Variants in TASP1 observed in about 807,000 individuals in gnomAD.
The protein encoded by TASP1 is threonine aspartase 1.
A neutral mutation model predicts 56.6 loss-of-function variants in TASP1; 16 were observed. The ratio of observed to expected loss-of-function variants is 0.28; its 90% confidence interval spans 0.19 to 0.43. The LOEUF (loss-of-function observed/expected upper bound fraction) is 0.43, where lower values mean the gene tolerates loss of function less well. TASP1 is among the 20% of genes least tolerant of loss of function. TASP1 has a pLI of 1.00. For missense variants in TASP1, 393 were observed against 511.6 expected (o/e 0.77, Z 2.24); for synonymous variants, 179 against 184.2 (o/e 0.97, Z 0.23).
At chr20:13,359,548 A>T in the TASP1 span, among the ~76,000 whole-genome samples, 1 of 149,578 alleles carries the variant, frequency 6.7e-6, no homozygotes. Context: ...CGGAGGCTAC[A>T]CACTCCACAT....
intron 10 of TASP1, among the ~76,000 whole-genome samples, chr20:13,525,874 T>C (rs2044958867): frequency 6.6e-6 from 1 of 152,130 alleles, no homozygotes; most frequent in Non-Finnish European, 1.5e-5. Context: ...GTTAGTCTTT[T>C]AGCTTGCGAA....
chr20:13,499,754 C>CA (rs112406674), intron 10 of TASP1, among the ~76,000 whole-genome samples: 30,531 of 151,408 alleles, frequency 0.2, 3,341 homozygotes, highest in Middle Eastern at 0.27. Flanking sequence ...TTATTTAAGC[C>CA]AAAAAAATGT....
chr20:13,409,132 T>C (rs1403311721), intron 13 of TASP1, among the ~76,000 whole-genome samples: 1 of 152,220 alleles, frequency 6.6e-6, no homozygotes, highest in Admixed American at 6.5e-5. Context: ...TAAATTCTGA[T>C]ATATTGTTTT....
intron 2 of TASP1, among the ~76,000 whole-genome samples, chr20:13,629,399 A>C (rs1168231059): frequency 6.6e-6 from 1 of 151,644 alleles, no homozygotes; most frequent in Non-Finnish European, 1.5e-5. Flanking sequence ...GAACCAGCTC[A>C]AAGATTGTGT....
At chr20:13,392,729 C>T (rs1014851981) in intron 13 of TASP1, 4 of 575,436 alleles carry the variant, frequency 7.0e-6, no homozygotes, top group African/African-American at 3.7e-5. Context: ...GCGCTGGTCA[C>T]CAGGGCTGCT....
chr20:13,482,320 T>C (rs1339735225), intron 11 of TASP1, among the ~76,000 whole-genome samples: 2 of 152,142 alleles, frequency 1.3e-5, no homozygotes, highest in Non-Finnish European at 2.9e-5. Context: ...TACTATAATA[T>C]AATCTGAAGT....
intron 10 of TASP1, among the ~76,000 whole-genome samples, chr20:13,484,658 C>T (rs1282587216): frequency 6.7e-6 from 1 of 149,734 alleles, no homozygotes; most frequent in African/African-American, 2.5e-5. Flanking sequence ...ATCATTTGAA[C>T]CTGGTAGGCG....
intron 6 of TASP1, among the ~76,000 whole-genome samples, chr20:13,577,310 T>G (rs1012454715): frequency 1.3e-5 from 2 of 152,194 alleles, no homozygotes; most frequent in African/African-American, 4.8e-5. Flanking sequence ...TTTGGTGGTG[T>G]TTTATTTCCT....
the TASP1 span, among the ~76,000 whole-genome samples, chr20:13,362,697 C>T: frequency 9.2e-5 from 14 of 151,592 alleles, no homozygotes; most frequent in Non-Finnish European, 1.8e-4. Flanking sequence ...TGAAAGAATA[C>T]ATACTGCATG....
the TASP1 span, among the ~76,000 whole-genome samples, chr20:13,187,631 C>T: frequency 1.3e-5 from 2 of 150,586 alleles, no homozygotes; most frequent in Admixed American, 6.6e-5. Flanking sequence ...ACCTGTAGTC[C>T]CAGCTACTCT....
At chr20:13,277,638 C>A in the TASP1 span, among the ~76,000 whole-genome samples, 6 of 136,172 alleles carry the variant, frequency 4.4e-5, no homozygotes, top group African/African-American at 1.9e-4. Flanking sequence ...TTCTTCCCCC[C>A]TACCCTTTTT....
At chr20:13,514,952 C>A (rs2044467877) in intron 10 of TASP1, among the ~76,000 whole-genome samples, 1 of 152,054 alleles carries the variant, frequency 6.6e-6, no homozygotes, top group East Asian at 1.9e-4. Flanking sequence ...TTTACATGTT[C>A]CCACTTTTTC....
At chr20:13,493,326 T>A (rs1216706492) in intron 10 of TASP1, among the ~76,000 whole-genome samples, 1 of 152,100 alleles carries the variant, frequency 6.6e-6, no homozygotes, top group Non-Finnish European at 1.5e-5. Flanking sequence ...GACATTTGAG[T>A]CAGTGGATTA....
chr20:13,437,197 G>C (rs2146204421), intron 11 of TASP1, among the ~76,000 whole-genome samples: 1 of 152,150 alleles, frequency 6.6e-6, no homozygotes, highest in South Asian at 2.1e-4. Flanking sequence ...TGCAAGGCTG[G>C]TTCAACATAC....
At chr20:13,126,626 T>C in the TASP1 span, 1 of 1,614,042 alleles carries the variant, frequency 6.2e-7, no homozygotes, top group Non-Finnish European at 8.5e-7. Context: ...ACTCGCATAG[T>C]GCTGTTTATG....
chr20:13,397,897 G>C (rs2041600486), intron 13 of TASP1, among the ~76,000 whole-genome samples: 1 of 152,124 alleles, frequency 6.6e-6, no homozygotes, highest in South Asian at 2.1e-4. Context: ...GGGAGGCTAT[G>C]GGTCACCATT....
the TASP1 span, among the ~76,000 whole-genome samples, chr20:13,112,477 GC>G: frequency 6.6e-6 from 1 of 152,196 alleles, no homozygotes; most frequent in Non-Finnish European, 1.5e-5. Context: ...CATGAGGCCA[GC>G]CCCGATTCAA....
At chr20:13,118,583 A>T in the TASP1 span, among the ~76,000 whole-genome samples, 1 of 152,176 alleles carries the variant, frequency 6.6e-6, no homozygotes, top group African/African-American at 2.4e-5. Flanking sequence ...CAATGAGAGG[A>T]TAGCCTTGTC....
chr20:13,366,136 A>T, the TASP1 span, among the ~76,000 whole-genome samples: 1 of 152,250 alleles, frequency 6.6e-6, no homozygotes, highest in Non-Finnish European at 1.5e-5. Context: ...TGTTTTGGAC[A>T]TATTTGGAAA....
Sources: allele counts gnomAD v4.1 joint callset (sites outside exome capture counted in the v4.1 genomes callset), GRCh38; gene constraint gnomAD v4.1.1; transcripts MANE v1.5; gene names NCBI Gene and HGNC (gene_info 2026-07-23, HGNC 2026-07-21).